Variants in COL24A1 observed in about 807,000 individuals in gnomAD.
COL24A1 encodes collagen alpha-1(XXIV) chain.
In COL24A1, 224 loss-of-function variants were observed where a neutral mutation model predicts 253.9. The observed-to-expected ratio is 0.88, with a 90% confidence interval of 0.79 to 0.99. The LOEUF (loss-of-function observed/expected upper bound fraction) is 0.99, where lower values mean the gene tolerates loss of function less well. COL24A1 is among the 50% of genes least tolerant of loss of function. COL24A1 has a pLI of 0.00. For missense variants in COL24A1, 2,131 were observed against 2,068.5 expected, an observed-to-expected ratio of 1.03 and a Z score of -0.59; for synonymous variants, 685 against 673.7, an observed-to-expected ratio of 1.02 and a Z score of -0.26.
At chr1:85,784,722 T>C (rs1442707629) in intron 48 of COL24A1, among the ~76,000 whole-genome samples, 2 of 151,890 alleles carry the variant, frequency 1.3e-5, no homozygotes, top group African/African-American at 4.8e-5. Context: ...TTATATTTTG[T>C]TTATTTATTT....
At chr1:85,951,748 T>C (rs368787592) in intron 24 of COL24A1, among the ~76,000 whole-genome samples, 2 of 152,210 alleles carry the variant, frequency 1.3e-5, no homozygotes, top group South Asian at 2.1e-4. Context: ...TGACAGCAAA[T>C]TGATTTTATC....
intron 12 of COL24A1, among the ~76,000 whole-genome samples, chr1:86,044,345 T>C (rs1699738067): frequency 1.3e-5 from 2 of 152,214 alleles, no homozygotes; most frequent in African/African-American, 2.4e-5. Flanking sequence ...GACATGTGGC[T>C]ATAACTGTAT....
rs1571338966 is a variant in COL24A1 at position 85,949,966 on chromosome 1, C to T, written c.2562+11283G>A. 2.0e-5 allele frequency among the ~76,000 whole-genome samples: 3 copies of T among 152,070 alleles called. No individual in the cohort carries two copies. In the East Asian group the frequency reaches 5.8e-4, roughly 29 times the overall value. ...GTTATTCAGTATATATTGGTTCTCT[C>T]ATGATTCTCAGCCTCTGTACATGTT... On this transcript the variant is annotated intron_variant, in intron 24 of 59. Coordinates refer to ENST00000370571, the MANE Select transcript of COL24A1 (RefSeq NM_152890.7).
At chr1:85,860,098 T>G (rs1454588200) in intron 37 of COL24A1, among the ~76,000 whole-genome samples, 1 of 152,204 alleles carries the variant, frequency 6.6e-6, no homozygotes, top group East Asian at 1.9e-4. Context: ...AGCTATTTTG[T>G]CTCAGAAGTA....
chr1:85,808,864 T>C (rs1019258883), intron 47 of COL24A1, among the ~76,000 whole-genome samples: 1 of 152,180 alleles, frequency 6.6e-6, no homozygotes, highest in East Asian at 1.9e-4. Context: ...TCAGTCTCCC[T>C]GAAGGCTTAA....
chr1:85,961,407 C>T (rs1571381698), intron 23 of COL24A1, 114 bp from the exon 24 acceptor site: 1 of 819,086 alleles, frequency 1.2e-6, no homozygotes, highest in Non-Finnish European at 2.0e-6. Context: ...TAGAAAAAGG[C>T]AAAGGAAATT....
At chr1:85,744,278 T>TA (rs971299123) in intron 57 of COL24A1, among the ~76,000 whole-genome samples, 5 of 152,046 alleles carry the variant, frequency 3.3e-5, no homozygotes, top group East Asian at 3.9e-4. Context: ...CATTTTGTAT[T>TA]AAAAAAAACC....
chr1:85,843,716 C>A (rs533480321), intron 39 of COL24A1, among the ~76,000 whole-genome samples: 1 of 152,154 alleles, frequency 6.6e-6, no homozygotes, highest in Non-Finnish European at 1.5e-5. Flanking sequence ...GGAAAGGAGT[C>A]AGGTATTCCT....
chr1:85,980,629 G>C, intron 20 of COL24A1, among the ~76,000 whole-genome samples: 1 of 151,964 alleles, frequency 6.6e-6, no homozygotes, highest in East Asian at 1.9e-4. Flanking sequence ...CCTAACCAAG[G>C]CGGGTGCGGT....
At chr1:85,769,604 A>G (rs538417557) in intron 53 of COL24A1, among the ~76,000 whole-genome samples, 84 of 152,206 alleles carry the variant, frequency 5.5e-4, no homozygotes, top group Non-Finnish European at 1.1e-3. Context: ...GTAGAGAAAT[A>G]ACAGGTACAA....
At chr1:86,141,331 G>C (rs1210832320) in intron 2 of COL24A1, among the ~76,000 whole-genome samples, 2 of 152,154 alleles carry the variant, frequency 1.3e-5, no homozygotes, top group African/African-American at 4.8e-5. Flanking sequence ...TTGAAAGTTT[G>C]TATAAGAAGT....
chr1:85,923,738 C>A (rs1393701115), intron 24 of COL24A1, among the ~76,000 whole-genome samples: 2 of 152,114 alleles, frequency 1.3e-5, no homozygotes, highest in Non-Finnish European at 2.9e-5. Flanking sequence ...AAAATTAACA[C>A]CCTAACATAA....
intron 20 of COL24A1, among the ~76,000 whole-genome samples, chr1:85,977,474 C>T (rs1692802529): frequency 6.6e-6 from 1 of 151,950 alleles, no homozygotes; most frequent in African/African-American, 2.4e-5. Flanking sequence ...AAAAAACAAA[C>T]AATACAGGCT....
Position 85,823,710 on chromosome 1 carries a change from C to T in COL24A1, c.3710G>A (p.Gly1237Asp), listed in dbSNP as rs1159499147. The T allele has an allele frequency of 6.2e-7, 1 of 1,613,766 alleles. No homozygotes were observed. Among genetic ancestry groups the T allele is most frequent in the Admixed American group, 1.7e-5 (1 of 59,996 alleles). ...TGGGGGTCCTTGTTGTCCAGTGGCACCTCTTAGTCCTGGTACACCCACATG... is the reference window on the plus strand; with the variant it reads ...TGGGGGTCCTTGTTGTCCAGTGGCATCTCTTAGTCCTGGTACACCCACATG... Reference protein sequence around the residue: ...KGHVGVPGLRGATGQQGPPGE... With the variant: ...KGHVGVPGLRDATGQQGPPGE... Residue 1237 changes from glycine to aspartate, a missense_variant, in exon 44 of 60, where the codon GGT becomes GAT. Coordinates refer to ENST00000370571, the MANE Select transcript of COL24A1 (RefSeq NM_152890.7).
At chr1:85,974,447 A>C (rs1482272141) in intron 20 of COL24A1, among the ~76,000 whole-genome samples, 2 of 152,156 alleles carry the variant, frequency 1.3e-5, no homozygotes, top group African/African-American at 4.8e-5. Flanking sequence ...CTGGATTAAG[A>C]TGAAAAGACA....
At chr1:85,905,599 T>A (rs1403440014) in intron 28 of COL24A1, among the ~76,000 whole-genome samples, 6 of 152,078 alleles carry the variant, frequency 3.9e-5, no homozygotes, top group African/African-American at 1.4e-4. Flanking sequence ...GTAAAAATTT[T>A]AAAAATGATG....
chr1:85,809,974 C>T (rs2101870862), intron 47 of COL24A1, among the ~76,000 whole-genome samples: 1 of 152,056 alleles, frequency 6.6e-6, no homozygotes, highest in Non-Finnish European at 1.5e-5. Flanking sequence ...TCCCCTTCCA[C>T]CAAACCCTGG....
At position 85,967,641 on chromosome 1, in the gene COL24A1, A is replaced by G. The variant is rs531001181; in HGVS notation, c.2464-2579T>C. 2.6e-5 allele frequency among the ~76,000 whole-genome samples: 4 copies of G among 152,294 alleles called. No individual in the cohort carries two copies. In the East Asian group the frequency reaches 7.7e-4, roughly 29 times the overall value. On this transcript the variant is annotated intron_variant, in intron 22 of 59. Transcript: ENST00000370571. Reference sequence around the variant, plus strand: ...AGGATAAGATCACTGGGGGAGAGCAAGTCCACAGACGAGGTAGCAGGGTAT... The same window carrying G: ...AGGATAAGATCACTGGGGGAGAGCAGGTCCACAGACGAGGTAGCAGGGTAT...
chr1:85,834,789 T>C (rs1456750095), intron 43 of COL24A1, among the ~76,000 whole-genome samples: 1 of 152,208 alleles, frequency 6.6e-6, no homozygotes, highest in Non-Finnish European at 1.5e-5. Flanking sequence ...GATAATACAT[T>C]TATTCCCTCC....
Sources: allele counts gnomAD v4.1 joint callset (sites outside exome capture counted in the v4.1 genomes callset), GRCh38; gene constraint gnomAD v4.1.1; transcripts MANE v1.5; gene names NCBI Gene and HGNC (gene_info 2026-07-23, HGNC 2026-07-21).